CRISPLD1: variants seen among roughly 807,000 people sequenced by gnomAD.
The protein encoded by CRISPLD1 is cysteine rich secretory protein LCCL domain containing 1.
In CRISPLD1, 60 loss-of-function variants were observed where a neutral mutation model predicts 77.5. The ratio of observed to expected loss-of-function variants is 0.77; its 90% confidence interval spans 0.63 to 0.96. The LOEUF (loss-of-function observed/expected upper bound fraction) is 0.96, where lower values mean the gene tolerates loss of function less well. CRISPLD1 is among the 40% of genes least tolerant of loss of function. The pLI is 0.00. For missense variants in CRISPLD1, 623 were observed against 615.8 expected (o/e 1.01, Z -0.12); for synonymous variants, 195 against 200.1 (o/e 0.97, Z 0.22).
chr8:75,032,175 T>C lies in CRISPLD1; in HGVS notation c.1452-16T>C. The C allele has an allele frequency of 3.1e-6, 1 of 320,584 alleles. No homozygotes were observed. The highest frequency in any genetic ancestry group is 1.1e-4 in the East Asian group (1 of 9,386). 19.9% of individuals were successfully genotyped at this position (320,584 alleles called of 1,614,324 possible). On this transcript the variant is annotated splice_polypyrimidine_tract_variant and intron_variant, in intron 14 of 14. Transcript: ENST00000262207. ...ATGACATCAATATACTTTTCATATA[T>C]TTTTTTTTTTTGCAGTTTACAGAAT...
chr8:75,027,972 A>G (rs1455765112), intron 13 of CRISPLD1, among the ~76,000 whole-genome samples: 1 of 152,222 alleles, frequency 6.6e-6, no homozygotes, highest in Non-Finnish European at 1.5e-5. Context: ...TGCTGAATCT[A>G]TAATTGCAGG....
At chr8:75,019,981 C>T (rs756139787) in intron 11 of CRISPLD1, 26 bp from the exon 12 acceptor site, 1 of 1,612,780 alleles carries the variant, frequency 6.2e-7, no homozygotes, top group Non-Finnish European at 8.5e-7. Flanking sequence ...AGGATTCACT[C>T]ATTGTTTTGT....
chr8:75,017,575 AT>A, intron 10 of CRISPLD1, 125 bp downstream of exon 10: 2 of 842,636 alleles, frequency 2.4e-6, no homozygotes, highest in Non-Finnish European at 3.5e-6. Context: ...TTCAAGGTTC[AT>A]TTTAGCTTGT....
chr8:75,023,191 T>G (rs1284477131), intron 12 of CRISPLD1, among the ~76,000 whole-genome samples: 2 of 152,162 alleles, frequency 1.3e-5, no homozygotes, highest in African/African-American at 4.8e-5. Flanking sequence ...CCAATCTTTG[T>G]TTTACCTGAA....
rs1813297110 is a variant in CRISPLD1 at position 75,029,523 on chromosome 8, A to T, written c.1451+6A>T. 1 of 1,612,160 alleles carries T rather than the reference A, an allele frequency of 6.2e-7. No individual in the cohort carries two copies. The highest frequency in any genetic ancestry group is 1.3e-5 in the African/African-American group (1 of 74,870). On this transcript the variant is annotated splice_donor_region_variant and intron_variant, in intron 14 of 14. Coordinates refer to ENST00000262207, the MANE Select transcript of CRISPLD1 (RefSeq NM_031461.6). ...AATGGAATCTTCTCAGAAAGGTAAAAACAAAACATATGTATGTATACTTTT... is the reference window on the plus strand; with the variant it reads ...AATGGAATCTTCTCAGAAAGGTAAATACAAAACATATGTATGTATACTTTT...
chr8:75,025,667 TAAATGTATAG>T lies in CRISPLD1; in HGVS notation c.1320+48_1320+57del, dbSNP rs1253106026. 4 of 984,942 alleles carry T rather than the reference TAAATGTATAG, an allele frequency of 4.1e-6. No homozygotes were observed. The African/African-American group carries it at 4.8e-5, about 12-fold the overall frequency. The allele number at this position is 984,942 out of a possible 1,614,324, so 61.0% of individuals were successfully genotyped here. ...AGCTGTCAACATTCATGTATATATA[TAAATGTATAG>T]ACACATTTAAATGTGTATATGTACA... On this transcript the variant is annotated intron_variant, in intron 13 of 14. Transcript: ENST00000262207.
At chr8:75,006,721 T>G (rs568216123) in intron 2 of CRISPLD1, among the ~76,000 whole-genome samples, 2 of 152,230 alleles carry the variant, frequency 1.3e-5, no homozygotes, top group South Asian at 4.1e-4. Context: ...TTGAGGAATC[T>G]AAAGAATTCT....
Position 75,015,508 on chromosome 8 carries a change from CTG to C in CRISPLD1, c.727+598_727+599del, listed in dbSNP as rs1338514838. Among the ~76,000 whole-genome samples the C allele has an allele frequency of 2.8e-4, 43 of 152,168 alleles. No homozygotes were observed. In the Middle Eastern group the frequency reaches 0.02, roughly 72 times the overall value. ...CCTGTTTATAGCACATAAAGATAAA[CTG>C]TTATGACAAAGCTTTGTGAAAAGTC... is the stretch of plus-strand genomic sequence containing the variant. On this transcript the variant is annotated intron_variant, in intron 6 of 14. Coordinates refer to ENST00000262207, the MANE Select transcript of CRISPLD1 (RefSeq NM_031461.6).
intron 2 of CRISPLD1, among the ~76,000 whole-genome samples, chr8:74,989,417 C>G (rs1812540573): frequency 6.6e-6 from 1 of 152,144 alleles, no homozygotes; most frequent in Non-Finnish European, 1.5e-5. Context: ...TCAGCAGGTT[C>G]ACATTTTGCT....
intron 2 of CRISPLD1, among the ~76,000 whole-genome samples, chr8:74,998,781 T>C (rs1812686797): frequency 6.6e-6 from 1 of 150,736 alleles, no homozygotes; most frequent in African/African-American, 2.5e-5. Flanking sequence ...GAATCAGAGA[T>C]TTAAAGTAGT....
At chr8:75,028,724 TTCC>T (rs1313963944) in intron 13 of CRISPLD1, among the ~76,000 whole-genome samples, 1 of 152,188 alleles carries the variant, frequency 6.6e-6, no homozygotes, top group Non-Finnish European at 1.5e-5. Context: ...TCATAGGACT[TTCC>T]TAGTATTTCA....
intron 2 of CRISPLD1, among the ~76,000 whole-genome samples, chr8:75,011,850 A>G (rs2128784974): frequency 6.6e-6 from 1 of 152,308 alleles, no homozygotes; most frequent in African/African-American, 2.4e-5. Context: ...CATGAAAAAG[A>G]TAGATATGTA....
At chr8:74,997,528 G>C (rs1238705494) in intron 2 of CRISPLD1, among the ~76,000 whole-genome samples, 1 of 152,142 alleles carries the variant, frequency 6.6e-6, no homozygotes, top group Non-Finnish European at 1.5e-5. Flanking sequence ...GTGGGACACA[G>C]GTAAAAAATA....
chr8:74,988,078 CT>C (rs1471750277), intron 2 of CRISPLD1, among the ~76,000 whole-genome samples: 1 of 152,144 alleles, frequency 6.6e-6, no homozygotes, highest in Non-Finnish European at 1.5e-5. Context: ...GGAACTGTGT[CT>C]TGGCCATTAA....
intron 2 of CRISPLD1, among the ~76,000 whole-genome samples, chr8:74,992,136 A>G (rs1812582281): frequency 6.6e-6 from 1 of 152,194 alleles, no homozygotes. Flanking sequence ...GGATGGATGG[A>G]TGAATAGGTA....
chr8:74,985,974 T>C lies in CRISPLD1; in HGVS notation c.-14T>C. On this transcript the variant is annotated 5_prime_UTR_variant, in exon 2 of 15. Coordinates refer to ENST00000262207, the MANE Select transcript of CRISPLD1 (RefSeq NM_031461.6). ...CTTGGAGATTTTCCTGGGGAAATCC[T>C]GAGGTCATTCATTATGAAGTGTACC... is the stretch of plus-strand genomic sequence containing the variant. 4.4e-6 allele frequency: 7 copies of C among 1,603,648 alleles called. No individual in the cohort carries two copies. Among genetic ancestry groups the C allele is most frequent in the Non-Finnish European group, 5.1e-6 (6 of 1,171,968 alleles).
intron 2 of CRISPLD1, among the ~76,000 whole-genome samples, chr8:75,011,049 CCTTTT>C (rs965098195): frequency 1.3e-5 from 2 of 151,812 alleles, no homozygotes; most frequent in Admixed American, 1.3e-4. Flanking sequence ...ATCGGTCTTA[CCTTTT>C]CTTTCGCTTA....
At chr8:74,985,132 T>G (rs1563604560) in intron 1 of CRISPLD1, among the ~76,000 whole-genome samples, 4 of 152,180 alleles carry the variant, frequency 2.6e-5, no homozygotes, top group African/African-American at 2.4e-5. Context: ...TTTCACCTAC[T>G]TTCTCTGTCG....
intron 13 of CRISPLD1, 22 bp from the exon 14 acceptor site, chr8:75,029,365 G>A: frequency 6.2e-7 from 1 of 1,602,654 alleles, no homozygotes; most frequent in Non-Finnish European, 8.5e-7. Context: ...AATAATGGCA[G>A]TTTGTTTCTT....
Sources: allele counts gnomAD v4.1 joint callset (sites outside exome capture counted in the v4.1 genomes callset), GRCh38; gene constraint gnomAD v4.1.1; transcripts MANE v1.5; gene names NCBI Gene and HGNC (gene_info 2026-07-23, HGNC 2026-07-21).